Variants in CD276 observed in about 807,000 individuals in gnomAD.
The protein encoded by CD276 is CD276 molecule.
A neutral mutation model predicts 50.0 loss-of-function variants in CD276; 34 were observed. The observed-to-expected ratio is 0.68, with a 90% confidence interval of 0.52 to 0.91. The LOEUF (loss-of-function observed/expected upper bound fraction) is 0.91, where lower values mean the gene tolerates loss of function less well. CD276 is among the 40% of genes least tolerant of loss of function. The pLI is 0.00. For synonymous variants in CD276, 275 were observed against 313.0 expected, an observed-to-expected ratio of 0.88 and a Z score of 1.28; for missense variants, 634 against 717.5, an observed-to-expected ratio of 0.88 and a Z score of 1.33.
chr15:73,708,563 T>C lies in CD276; in HGVS notation c.1504+90T>C, dbSNP rs117028762. On this transcript the variant is annotated intron_variant, in intron 7 of 9. Transcript: ENST00000318443. ...CTTTGATGTCAATAGAGTGTCACTT[T>C]CTAGTGACAGAACGAGTGTGTGTGT... 13 of 1,417,358 alleles carry C rather than the reference T, an allele frequency of 9.2e-6. 1 individual carries two copies. The East Asian group carries it at 1.7e-4, about 19-fold the overall frequency. The allele number at this position is 1,417,358 out of a possible 1,614,324, so 87.8% of individuals were successfully genotyped here. A position where few individuals can be genotyped will look rare whatever the true frequency, so the allele number is the denominator to read the frequency against.
intron 1 of CD276, among the ~76,000 whole-genome samples, chr15:73,695,962 G>C (rs1022693173): frequency 1.3e-5 from 2 of 152,210 alleles, no homozygotes; most frequent in African/African-American, 4.8e-5. Context: ...GGGCATTTTG[G>C]CCCTGAGCCC....
At position 73,699,613 on chromosome 15, in the gene CD276, C is replaced by T. The variant is rs1241590756; in HGVS notation, c.-27C>T. ...AGGGGCAGCCTTCCACCACGGGGAGCCCAGCTGTCAGCCGCCTCACAGGAA... is the reference window on the plus strand; with the variant it reads ...AGGGGCAGCCTTCCACCACGGGGAGTCCAGCTGTCAGCCGCCTCACAGGAA... On this transcript the variant is annotated 5_prime_UTR_variant, in exon 2 of 10. Transcript: ENST00000318443. 3 of 1,611,448 alleles carry T rather than the reference C, an allele frequency of 1.9e-6. No homozygotes were observed. Among genetic ancestry groups the T allele is most frequent in the Non-Finnish European group, 2.5e-6 (3 of 1,179,282 alleles).
At chr15:73,689,192 G>GTC (rs1159231190) in intron 1 of CD276, among the ~76,000 whole-genome samples, 3 of 124,514 alleles carry the variant, frequency 2.4e-5, no homozygotes, top group Non-Finnish European at 3.5e-5. Context: ...TGCCTCCTGT[G>GTC]TGTGTGTGTG....
At chr15:73,691,371 C>CTTTA (rs1485360144) in intron 1 of CD276, among the ~76,000 whole-genome samples, 2 of 152,124 alleles carry the variant, frequency 1.3e-5, no homozygotes, top group Non-Finnish European at 2.9e-5. Flanking sequence ...TGGATCAATT[C>CTTTA]TTTAGATTGT....
At chr15:73,694,803 G>A (rs143195468) in intron 1 of CD276, among the ~76,000 whole-genome samples, 160 of 152,330 alleles carry the variant, frequency 1.1e-3, no homozygotes, top group Non-Finnish European at 2.0e-3. Flanking sequence ...ATCTGCAGTC[G>A]TTAGCTGAGT....
intron 1 of CD276, among the ~76,000 whole-genome samples, chr15:73,695,918 G>A (rs1455963384): frequency 1.3e-5 from 2 of 152,212 alleles, no homozygotes; most frequent in African/African-American, 4.8e-5. Flanking sequence ...TATGGTGGGG[G>A]GCAAGGAGAC....
intron 1 of CD276, among the ~76,000 whole-genome samples, chr15:73,686,042 T>G (rs925435788): frequency 6.6e-6 from 1 of 152,178 alleles, no homozygotes; most frequent in African/African-American, 2.4e-5. Context: ...AGTATCCTGA[T>G]GTGAATGAAA....
rs1391151760 is a variant in CD276, at chr15:73,693,873, G to T, written c.-54-5713G>T. On this transcript the variant is annotated intron_variant, in intron 1 of 9. Coordinates refer to ENST00000318443, the MANE Select transcript of CD276 (RefSeq NM_001024736.2). ...GGCCATGGGTGCCCATCACGGGAGG[G>T]CAAACAGAGATTGTGTGTATGCGGT... Among the ~76,000 whole-genome samples, 6 of 141,554 alleles carry T rather than the reference G, an allele frequency of 4.2e-5. No homozygotes were observed. In the Admixed American group the frequency reaches 4.3e-4, roughly 10 times the overall value. 92.9% of individuals were successfully genotyped at this position (141,554 alleles called of 152,430 possible).
chr15:73,701,308 C>T (rs777615114), intron 2 of CD276, among the ~76,000 whole-genome samples: 8 of 152,164 alleles, frequency 5.3e-5, no homozygotes, highest in Non-Finnish European at 1.0e-4. Flanking sequence ...TGAAACCGCC[C>T]CTAACTGGCC....
Position 73,708,388 on chromosome 15 carries a change from G to C in CD276, c.1419G>C (p.Leu473=), listed in dbSNP as rs2291012. ...PPEALWVTVG[L]SVCLIALLVA... ...AGGCCCTGTGGGTGACCGTGGGGCT[G>C]TCTGTCTGTCTCATTGCACTGCTGG... Residue 473 remains leucine, a synonymous_variant, in exon 7 of 10, where the codon CTG becomes CTC. Transcript: ENST00000318443. 185,772 of 1,613,594 alleles carry C rather than the reference G, an allele frequency of 0.12. 14,136 individuals are homozygous for C. The highest frequency in any genetic ancestry group is 0.39 in the African/African-American group (29,587 of 74,944).
Position 73,702,465 on chromosome 15 carries a change from C to G in CD276, c.290C>G (p.Pro97Arg), listed in dbSNP as rs7173448. 6.2e-7 allele frequency: 1 copy of G among 1,613,430 alleles called. No homozygotes were observed. The highest frequency in any genetic ancestry group is 1.7e-5 in the Admixed American group (1 of 60,004). The change falls in exon 3 of 10, where the codon CCG becomes CGG. Residue 97 changes from proline to arginine, a missense_variant. By Grantham distance (103) the Pro-to-Arg change is moderately radical (BLOSUM62 -2). Coordinates refer to ENST00000318443, the MANE Select transcript of CD276 (RefSeq NM_001024736.2). The part of the protein sequence containing the change: ...SAYANRTALF[P>R]DLLAQGNASL... ...TATGCCAACCGCACGGCCCTCTTCC[C>G]GGACCTGCTGGCACAGGGCAACGCA...
intron 7 of CD276, 150 bp from the exon 8 acceptor site, chr15:73,709,498 C>G (rs538315026): frequency 1.3e-6 from 1 of 747,434 alleles, no homozygotes; most frequent in East Asian, 2.6e-5. Flanking sequence ...GCTCTGCTCT[C>G]GGGCTCTAAC....
chr15:73,712,044 A>T (rs1273643050), intron 9 of CD276: 1 of 150,788 alleles, frequency 6.6e-6, no homozygotes, highest in African/African-American at 2.4e-5. Context: ...AATCCCAGCT[A>T]CTTGGGAAGC....
intron 1 of CD276, among the ~76,000 whole-genome samples, chr15:73,696,682 GCCCAGAGTGGC>G (rs2141551028): frequency 6.6e-6 from 1 of 152,268 alleles, no homozygotes; most frequent in African/African-American, 2.4e-5. Flanking sequence ...CCCTGTACCT[GCCCAGAGTGGC>G]AGGAATTAGC....
chr15:73,701,053 T>G (rs1900368216), intron 2 of CD276, among the ~76,000 whole-genome samples: 1 of 150,464 alleles, frequency 6.6e-6, no homozygotes, highest in Non-Finnish European at 1.5e-5. Flanking sequence ...ACAGGTGTGT[T>G]CCACCACCCC....
chr15:73,695,002 G>A (rs975429896), intron 1 of CD276, among the ~76,000 whole-genome samples: 2 of 152,150 alleles, frequency 1.3e-5, no homozygotes, highest in African/African-American at 2.4e-5. Flanking sequence ...GTGACAGAGC[G>A]GGACCCTGTC....
intron 2 of CD276, among the ~76,000 whole-genome samples, chr15:73,701,790 A>G (rs962073370): frequency 6.6e-6 from 1 of 152,070 alleles, no homozygotes; most frequent in South Asian, 2.1e-4. Context: ...AGAAACCACT[A>G]TTGACATTTT....
intron 1 of CD276, among the ~76,000 whole-genome samples, chr15:73,692,236 T>G (rs1900015353): frequency 1.3e-5 from 2 of 152,218 alleles, no homozygotes; most frequent in Admixed American, 1.3e-4. Context: ...GTGAATGGCT[T>G]GACCCTTTCA....
At chr15:73,712,154 CAAAA>C (rs386383477) in intron 9 of CD276, 2 of 95,888 alleles carry the variant, frequency 2.1e-5, no homozygotes, top group Non-Finnish European at 2.0e-5. Context: ...GATTCCATCT[CAAAA>C]AAAAAAAAAA....
Sources: allele counts gnomAD v4.1 joint callset (sites outside exome capture counted in the v4.1 genomes callset), GRCh38; gene constraint gnomAD v4.1.1; transcripts MANE v1.5; gene names NCBI Gene and HGNC (gene_info 2026-07-23, HGNC 2026-07-21).